KIF15: variants seen among roughly 807,000 people sequenced by gnomAD.
The protein encoded by KIF15 is kinesin-like protein KIF15.
In KIF15, 140 loss-of-function variants were observed where a neutral mutation model predicts 190.6. The ratio of observed to expected loss-of-function variants is 0.73; its 90% CI spans 0.64 to 0.84. The LOEUF is 0.84. Among genes scored for constraint, KIF15 ranks in the 40% least tolerant of loss-of-function variants. KIF15 has a pLI of 0.00. For missense variants in KIF15, 1,372 were observed against 1,584.4 expected (o/e 0.87, Z 2.28); for synonymous variants, 528 against 551.3 (o/e 0.96, Z 0.59).
At chr3:44,863,310 C>CCCCG (rs1553668763) in intron 6 of KIF15, 1 of 117,436 alleles carries the variant, frequency 8.5e-6, no homozygotes, top group African/African-American at 2.8e-5. Flanking sequence ...ACCCCCCCCC[C>CCCCG]CCGCCGCCTT....
In KIF15 at chr3:44,829,743, GTATATATTATAGATGTA is replaced by G. The variant is rs1365955045; in HGVS notation, c.2944-203_2944-187del. Among the ~76,000 whole-genome samples, 11 of 135,174 alleles carry G rather than the reference GTATATATTATAGATGTA, an allele frequency of 8.1e-5. No homozygotes were observed. In the East Asian group the frequency reaches 1.2e-3, roughly 15 times the overall value. 88.7% of individuals were successfully genotyped at this position (135,174 alleles called of 152,430 possible). On this transcript the variant is annotated intron_variant, in intron 24 of 34. Transcript: ENST00000326047. ...TATTATAGATGTATATATTATATATGTATATATTATAGATGTATATATATTATAGATGTATATATATA... is the reference window on the plus strand; with the variant it reads ...TATTATAGATGTATATATTATATATGTATATATTATAGATGTATATATATA...
In KIF15 at chr3:44,810,905, C is replaced by A. The variant is rs1370150637; in HGVS notation, c.2031C>A (p.Ser677Arg). Reference protein sequence around the residue: ...QLHSRPVPKLSPEMGSFGSLY... With the variant: ...QLHSRPVPKLRPEMGSFGSLY... ...ATTCCCGACCAGTACCAAAATTAAG[C>A]CCTGAAATGGGAAGCTTTGGCTCTC... Residue 677 changes from serine (S) to arginine (R), a missense_variant, in exon 17 of 35, where the codon AGC (serine) becomes AGA (arginine). Transcript: ENST00000326047. The A allele has an allele frequency of 6.2e-7, 1 of 1,613,954 alleles. No homozygotes were observed. Among genetic ancestry groups the A allele is most frequent in the South Asian group, 1.1e-5 (1 of 91,056 alleles).
At chr3:44,794,692 TGG>T (rs1706887197) in intron 8 of KIF15, among the ~76,000 whole-genome samples, 1 of 152,168 alleles carries the variant, frequency 6.6e-6, no homozygotes, top group Non-Finnish European at 1.5e-5. Context: ...CCGGGCGCGG[TGG>T]CTCACACCTG....
intron 25 of KIF15, 84 bp downstream of exon 25, chr3:44,830,159 GA>G: frequency 3.5e-6 from 2 of 567,198 alleles, no homozygotes; most frequent in Non-Finnish European, 5.8e-6. Flanking sequence ...TGCTCCACCA[GA>G]AAAAAGATTC....
At chr3:44,864,059 G>T (rs1699293133) in intron 6 of KIF15, 1 of 978,878 alleles carries the variant, frequency 1.0e-6, no homozygotes, top group East Asian at 2.4e-5. Flanking sequence ...GTGCAGGAAA[G>T]CTCTGAGGCC....
chr3:44,808,998 G>A (rs138205628), intron 16 of KIF15, among the ~76,000 whole-genome samples: 10 of 152,274 alleles, frequency 6.6e-5, no homozygotes, highest in Non-Finnish European at 1.2e-4. Flanking sequence ...GGTGGATTCC[G>A]TTAAAGGAGA....
chr3:44,831,624 A>G (rs1173498209), intron 26 of KIF15, among the ~76,000 whole-genome samples: 3 of 152,190 alleles, frequency 2.0e-5, no homozygotes, highest in African/African-American at 7.2e-5. Flanking sequence ...ATCTTTTTAA[A>G]AATTAAGCAG....
rs142407015 is a variant in KIF15 at position 44,830,919 on chromosome 3, T to C, written c.3072T>C (p.Val1024=). 7.4e-6 allele frequency: 12 copies of C among 1,613,860 alleles called. No individual in the cohort carries two copies. In the African/African-American group the frequency reaches 1.5e-4, roughly 20 times the overall value. ...DINCKYNSAL[V]DREESRVLIK... is the part of the protein sequence containing the mutation. Reference sequence around the variant, plus strand: ...AGTGCAAATACAACTCTGCTTTGGTTGACAGAGAAGAGAGCAGAGTGTTGA... The same window carrying C: ...AGTGCAAATACAACTCTGCTTTGGTCGACAGAGAAGAGAGCAGAGTGTTGA... Residue 1024 remains valine (V), a synonymous_variant, in exon 26 of 35, where the codon GTT becomes GTC. Transcript: ENST00000326047.
chr3:44,803,068 A>G (rs949290222), intron 14 of KIF15, 77 bp downstream of exon 14: 2 of 1,333,172 alleles, frequency 1.5e-6, no homozygotes, highest in Non-Finnish European at 2.0e-6. Flanking sequence ...CCTTGTGACT[A>G]GGGTCTTCAT....
intron 1 of KIF15, among the ~76,000 whole-genome samples, chr3:44,767,788 C>T (rs1048995165): frequency 1.0e-4 from 15 of 148,822 alleles, no homozygotes; most frequent in Admixed American, 3.4e-4. Context: ...CCAGCTACTC[C>T]GGAGGCTGAG....
chr3:44,865,161 T>C (rs1413410377), intron 6 of KIF15: 2 of 1,614,048 alleles, frequency 1.2e-6, no homozygotes, highest in Non-Finnish European at 1.7e-6. Flanking sequence ...TGGAAGCCCC[T>C]TCCACACAAG....
chr3:44,862,002 G>T, intron 6 of KIF15: 2 of 1,383,902 alleles, frequency 1.4e-6, no homozygotes, highest in Non-Finnish European at 1.9e-6. Flanking sequence ...AATTCCCTCC[G>T]CACCTCCAGG....
intron 6 of KIF15, chr3:44,862,487 G>A (rs1371887900): frequency 6.5e-6 from 1 of 152,682 alleles, no homozygotes; most frequent in East Asian, 1.9e-4. Context: ...CTCATTTTAA[G>A]TCCCTTGTGC....
chr3:44,775,592 A>G (rs951365739), intron 3 of KIF15, among the ~76,000 whole-genome samples, 155 bp downstream of exon 3: 5 of 151,572 alleles, frequency 3.3e-5, no homozygotes, highest in Non-Finnish European at 7.4e-5. Flanking sequence ...AGTAGCTAGG[A>G]CTACAGGTGC....
At chr3:44,789,874 C>A (rs1267976283) in intron 7 of KIF15, among the ~76,000 whole-genome samples, 1 of 151,738 alleles carries the variant, frequency 6.6e-6, no homozygotes, top group Admixed American at 6.6e-5. Context: ...CACCAAACTT[C>A]TCAATAAGAA....
intron 16 of KIF15, among the ~76,000 whole-genome samples, chr3:44,806,770 G>C (rs1707521286): frequency 6.6e-6 from 1 of 152,030 alleles, no homozygotes; most frequent in South Asian, 2.1e-4. Context: ...TTTTAAGACA[G>C]AGTCTTGCTC....
chr3:44,827,298 A>G (rs922809169), intron 22 of KIF15, 161 bp from the exon 23 acceptor site: 1 of 571,572 alleles, frequency 1.7e-6, no homozygotes, highest in Non-Finnish European at 3.2e-6. Flanking sequence ...ATAATTTTTG[A>G]AGAAATGGGT....
At chr3:44,864,957 C>G in intron 6 of KIF15, 2 of 1,570,962 alleles carry the variant, frequency 1.3e-6, no homozygotes, top group East Asian at 2.3e-5. Context: ...TCCTGGCACC[C>G]TTAGAAGGAA....
At chr3:44,836,649 T>C (rs1698336942) in intron 26 of KIF15, among the ~76,000 whole-genome samples, 1 of 152,104 alleles carries the variant, frequency 6.6e-6, no homozygotes, top group South Asian at 2.1e-4. Flanking sequence ...GCACAAAACT[T>C]CTTTGGAATC....
Sources: gnomAD v4.1 joint callset for allele counts (sites outside exome capture counted in the v4.1 genomes callset) on GRCh38, gnomAD v4.1.1 for gene constraint, MANE v1.5 for transcripts, NCBI Gene and HGNC (gene_info 2026-07-23, HGNC 2026-07-21) for gene names.